The following DPP10 variants were observed in gnomAD, a reference collection of about 807,000 sequenced individuals.
DPP10 encodes dipeptidyl peptidase like 10.
A neutral mutation model predicts 120.9 loss-of-function variants in DPP10; 33 were observed. The observed-to-expected ratio is 0.27, with a 90% CI of 0.21 to 0.37. The LOEUF is 0.37. Ranked by LOEUF, DPP10 falls within the 10% of genes least tolerant of loss-of-function variation. DPP10 has a pLI of 1.00. For synonymous variants in DPP10, 337 were observed against 326.1 expected (o/e 1.03, Z -0.36); for missense variants, 816 against 942.8 (o/e 0.87, Z 1.76).
chr2:114,570,836 T>TAAAA (rs58796386), intron 1 of DPP10, among the ~76,000 whole-genome samples: 411 of 57,768 alleles, frequency 7.1e-3, no homozygotes, highest in African/African-American at 0.013. Flanking sequence ...CTGTCTCAAA[T>TAAAA]AAAAAAAAAA....
intron 1 of DPP10, among the ~76,000 whole-genome samples, chr2:114,601,666 G>T (rs777516163): frequency 6.6e-6 from 1 of 151,910 alleles, no homozygotes. Flanking sequence ...TTGAAACTTC[G>T]TGAAGCTTGG....
At chr2:115,459,362 G>A (rs1460550866) in intron 3 of DPP10, among the ~76,000 whole-genome samples, 1 of 151,724 alleles carries the variant, frequency 6.6e-6, no homozygotes, top group Non-Finnish European at 1.5e-5. Context: ...TCACCACATT[G>A]GCCAGGGTGG....
At chr2:114,650,911 C>T (rs193230385) in intron 1 of DPP10, among the ~76,000 whole-genome samples, 1 of 152,250 alleles carries the variant, frequency 6.6e-6, no homozygotes, top group Admixed American at 6.5e-5. Flanking sequence ...AATTCCCTCA[C>T]CTTCTTTTTT....
intron 1 of DPP10, among the ~76,000 whole-genome samples, chr2:114,744,973 G>A (rs573162119): frequency 1.2e-4 from 18 of 152,184 alleles, no homozygotes; most frequent in Admixed American, 1.0e-3. Context: ...TATTGGCCAG[G>A]CTGGTCTCGA....
At chr2:114,707,415 C>A (rs549682908) in intron 1 of DPP10, among the ~76,000 whole-genome samples, 3 of 152,118 alleles carry the variant, frequency 2.0e-5, no homozygotes, top group Non-Finnish European at 2.9e-5. Context: ...GAATTTATAT[C>A]CACTGTTGTT....
chr2:115,321,515 G>GTTTTTTTTTTTTTTTTTTTGTT (rs35046366), intron 2 of DPP10, among the ~76,000 whole-genome samples: 1 of 121,592 alleles, frequency 8.2e-6, no homozygotes, highest in Non-Finnish European at 1.6e-5. Flanking sequence ...TTTTTTTAGT[G>GTTTTTTTTTTTTTTTTTTTGTT]TTTTTTTTTT....
chr2:115,650,731 TCC>T (rs992351113), intron 5 of DPP10, among the ~76,000 whole-genome samples: 5 of 151,942 alleles, frequency 3.3e-5, no homozygotes, highest in Middle Eastern at 3.2e-3. Context: ...TTCAACACAC[TCC>T]CTGCTCCCTG....
chr2:114,909,921 T>A (rs935927825), intron 1 of DPP10, among the ~76,000 whole-genome samples: 3 of 151,938 alleles, frequency 2.0e-5, no homozygotes, highest in African/African-American at 7.2e-5. Flanking sequence ...GCAGACGTAA[T>A]GAACTACAGA....
chr2:115,093,978 A>G (rs1709507612), intron 1 of DPP10, among the ~76,000 whole-genome samples: 1 of 152,094 alleles, frequency 6.6e-6, no homozygotes, highest in Admixed American at 6.6e-5. Context: ...AATTGAATGG[A>G]TAGTATAGGA....
intron 4 of DPP10, among the ~76,000 whole-genome samples, chr2:115,521,962 T>C (rs2077836734): frequency 6.6e-6 from 1 of 152,224 alleles, no homozygotes; most frequent in Admixed American, 6.6e-5. Context: ...AAGCTACTTG[T>C]GCATTTTTTG....
intron 1 of DPP10, among the ~76,000 whole-genome samples, chr2:114,626,109 T>A (rs918350459): frequency 4.6e-5 from 7 of 151,792 alleles, no homozygotes; most frequent in Non-Finnish European, 8.8e-5. Context: ...TTTTTTTACT[T>A]CTATGTCAAA....
intron 1 of DPP10, among the ~76,000 whole-genome samples, chr2:115,139,128 T>C (rs1296095335): frequency 6.6e-6 from 1 of 152,186 alleles, no homozygotes; most frequent in Non-Finnish European, 1.5e-5. Flanking sequence ...AAGACATTTG[T>C]ACAGTAATTA....
intron 1 of DPP10, chr2:115,130,954 T>C (rs1230846156): frequency 1.3e-5 from 2 of 152,216 alleles, no homozygotes; most frequent in African/African-American, 2.4e-5. Context: ...AATAATGGTC[T>C]CCTAGTAGGT....
At chr2:114,801,489 A>T (rs1306894774) in intron 1 of DPP10, among the ~76,000 whole-genome samples, 2 of 152,094 alleles carry the variant, frequency 1.3e-5, no homozygotes, top group Non-Finnish European at 2.9e-5. Context: ...TGGCTCTATA[A>T]AACTATTTGT....
At chr2:115,264,320 C>T (rs182102713) in intron 1 of DPP10, among the ~76,000 whole-genome samples, 4 of 152,210 alleles carry the variant, frequency 2.6e-5, no homozygotes, top group African/African-American at 9.6e-5. Context: ...GTTAATGTGT[C>T]CCTGCTTTGG....
At chr2:115,283,389 T>C (rs2060238581) in intron 1 of DPP10, among the ~76,000 whole-genome samples, 1 of 152,096 alleles carries the variant, frequency 6.6e-6, no homozygotes. Context: ...AAATGATGTC[T>C]ACTCAAGATT....
intron 13 of DPP10, 88 bp from the exon 14 acceptor site, chr2:115,777,119 GA>G: frequency 9.0e-7 from 1 of 1,113,956 alleles, no homozygotes; most frequent in South Asian, 1.4e-5. Context: ...TAGAGAATTC[GA>G]AGTGTCACAA....
intron 1 of DPP10, among the ~76,000 whole-genome samples, chr2:115,126,033 G>A (rs1344872911): frequency 6.6e-6 from 1 of 152,078 alleles, no homozygotes; most frequent in African/African-American, 2.4e-5. Context: ...CCCATATTTT[G>A]AATACCTTTA....
At chr2:115,496,422 T>C (rs1367560449) in intron 3 of DPP10, among the ~76,000 whole-genome samples, 1 of 151,958 alleles carries the variant, frequency 6.6e-6, no homozygotes, top group Non-Finnish European at 1.5e-5. Flanking sequence ...TCCAAGAAAA[T>C]TGACTTTAAA....
Sources: allele counts gnomAD v4.1 joint callset (sites outside exome capture counted in the v4.1 genomes callset), GRCh38; gene constraint gnomAD v4.1.1; transcripts MANE v1.5; gene names NCBI Gene and HGNC (gene_info 2026-07-23, HGNC 2026-07-21).